The following ZDHHC11B variants were observed in gnomAD, a reference collection of about 807,000 sequenced individuals.
ZDHHC11B encodes the protein zDHHC palmitoyltransferase 11B (putative), also known as probable palmitoyltransferase ZDHHC11B.
Under a neutral mutation model 42.3 loss-of-function variants are expected in ZDHHC11B, and 17 were observed. The observed-to-expected ratio is 0.40, with a 90% CI of 0.27 to 0.60. ZDHHC11B has a LOEUF of 0.60. Among genes scored for constraint, ZDHHC11B ranks in the 20% least tolerant of loss-of-function variants. The pLI is 0.41. For synonymous variants in ZDHHC11B, 123 were observed against 193.5 expected (o/e 0.64, Z 3.02); for missense variants, 262 against 463.2 (o/e 0.57, Z 3.99).
Position 753,642 on chromosome 5 carries a change from C to T in ZDHHC11B, c.503+1356G>A, listed in dbSNP as rs564539479. Among the ~76,000 whole-genome samples the T allele has an allele frequency of 3.4e-4, 50 of 148,264 alleles. 1 individual carries two copies. The highest frequency in any genetic ancestry group is 7.4e-4 in the African/African-American group (30 of 40,798). On this transcript the variant is annotated intron_variant, in intron 6 of 13. Transcript: ENST00000508859. ...GAGGAGCTGGCCCCACCTTGGCCATCGTGGAGCTGCTCTTCTCCAGGGGAG... is the reference window on the plus strand; with the variant it reads ...GAGGAGCTGGCCCCACCTTGGCCATTGTGGAGCTGCTCTTCTCCAGGGGAG...
At chr5:771,009 G>C (rs1280704094) in intron 1 of ZDHHC11B, among the ~76,000 whole-genome samples, 1 of 151,912 alleles carries the variant, frequency 6.6e-6, no homozygotes, top group Non-Finnish European at 1.5e-5. Flanking sequence ...TCAAGGCTGA[G>C]GTGCTGGACT....
rs1445496187 is a variant in ZDHHC11B at position 711,207 on chromosome 5, C to G, written c.*1083G>C. On this transcript the variant is annotated 3_prime_UTR_variant, in exon 14 of 14. Coordinates refer to ENST00000508859, the MANE Select transcript of ZDHHC11B (RefSeq NM_001351303.2). ...CTCCCATTTCCCAGTGCTGTGCCCT[C>G]CCCTTTCCCAGTACTGTGCTCCCAT... 1.9e-5 allele frequency: 3 copies of G among 155,714 alleles called. No homozygotes were observed. In the East Asian group the frequency reaches 5.7e-4, roughly 29 times the overall value. 9.6% of individuals were successfully genotyped at this position (155,714 alleles called of 1,614,324 possible).
intron 12 of ZDHHC11B, among the ~76,000 whole-genome samples, chr5:719,262 G>A (rs1742005508): frequency 6.6e-6 from 1 of 151,624 alleles, no homozygotes; most frequent in African/African-American, 2.4e-5. Flanking sequence ...AACAAAAAAA[G>A]AACATATAAA....
chr5:784,403 G>C (rs2150254099), intron 1 of ZDHHC11B, among the ~76,000 whole-genome samples: 1 of 152,174 alleles, frequency 6.6e-6, no homozygotes, highest in African/African-American at 2.4e-5. Context: ...TGACAGACCT[G>C]TCCCTGGCGC....
At chr5:775,416 T>C (rs1736392849) in intron 1 of ZDHHC11B, among the ~76,000 whole-genome samples, 1 of 151,992 alleles carries the variant, frequency 6.6e-6, no homozygotes, top group Non-Finnish European at 1.5e-5. Context: ...AGGGAGAACC[T>C]GTCTCTGCGG....
At chr5:722,539 C>T (rs1221503427) in intron 12 of ZDHHC11B, among the ~76,000 whole-genome samples, 4 of 151,550 alleles carry the variant, frequency 2.6e-5, no homozygotes, top group Admixed American at 2.0e-4. Flanking sequence ...TTGGAGAGGA[C>T]ATGAAGCAAT....
At position 733,772 on chromosome 5, in the gene ZDHHC11B, C is replaced by A; in HGVS notation, c.1003G>T (p.Asp335Tyr). 1 of 1,611,476 alleles carries A rather than the reference C, an allele frequency of 6.2e-7. No homozygotes were observed. The part of the protein sequence containing the change: ...PCHFCTSVNQ[D>Y]GDSKAQEADD... Reference sequence around the variant, plus strand: ...CTTACCTGTGCCTTCGAATCCCCGTCCTGGTTTACTGAAGTGCAGAAGTGA... The same window carrying A: ...CTTACCTGTGCCTTCGAATCCCCGTACTGGTTTACTGAAGTGCAGAAGTGA... Residue 335 changes from aspartate (D) to tyrosine (Y), a missense_variant, in exon 11 of 14, where the codon GAC (aspartate) becomes TAC (tyrosine). Asp to Tyr is a radical substitution (Grantham distance 160, BLOSUM62 -3). Transcript: ENST00000508859.
chr5:725,239 G>A (rs868090867), intron 12 of ZDHHC11B, among the ~76,000 whole-genome samples: 2,807 of 141,978 alleles, frequency 0.02, 93 homozygotes, highest in African/African-American at 0.049. Context: ...ATCAGACACC[G>A]GATCTGCCGG....
At chr5:764,725 C>G (rs1735051528) in intron 4 of ZDHHC11B, among the ~76,000 whole-genome samples, 1 of 151,932 alleles carries the variant, frequency 6.6e-6, no homozygotes, top group Non-Finnish European at 1.5e-5. Flanking sequence ...CATCCACCAC[C>G]CAAGGGCTGA....
rs1271877610 is a variant in ZDHHC11B, at chr5:757,295, GTCC to G, written c.223-1154_223-1152del. On this transcript the variant is annotated intron_variant, in intron 4 of 13. Transcript: ENST00000508859. The stretch of plus-strand genomic sequence containing the variant: ...CTGCCGGCCTGTGTCGCACAGCGCT[GTCC>G]TCCTTGGCCCCAGGGGTGAGGAAGA... 2.0e-5 allele frequency among the ~76,000 whole-genome samples: 3 copies of G among 152,006 alleles called. No individual in the cohort carries two copies. The East Asian group carries it at 5.8e-4, about 29-fold the overall frequency.
intron 7 of ZDHHC11B, 22 bp downstream of exon 7, chr5:751,111 C>T: frequency 4.8e-6 from 6 of 1,245,276 alleles, no homozygotes; most frequent in Non-Finnish European, 6.4e-6. Flanking sequence ...GATGAGGCCC[C>T]TTGAGAGCGG....
At chr5:762,780 C>T (rs71593103) in intron 4 of ZDHHC11B, among the ~76,000 whole-genome samples, 29,047 of 148,292 alleles carry the variant, frequency 0.2, 2,557 homozygotes, top group Middle Eastern at 0.29. Context: ...AACCCAAGGT[C>T]AGTTGAAGGA....
At chr5:749,659 C>A (rs1745346346) in intron 7 of ZDHHC11B, among the ~76,000 whole-genome samples, 1 of 130,212 alleles carries the variant, frequency 7.7e-6, no homozygotes, top group African/African-American at 2.5e-5. Context: ...GCTCAGGCCA[C>A]AATCAATGAA....
intron 1 of ZDHHC11B, among the ~76,000 whole-genome samples, chr5:783,355 TC>T (rs1236689909): frequency 6.6e-6 from 1 of 152,274 alleles, no homozygotes; most frequent in East Asian, 1.9e-4. Flanking sequence ...CCCCTCCACT[TC>T]CTGCCCCTTC....
chr5:782,747 T>TG (rs1736954347), intron 1 of ZDHHC11B, among the ~76,000 whole-genome samples: 1 of 34,632 alleles, frequency 2.9e-5, no homozygotes, highest in South Asian at 9.9e-4. Context: ...CTTTGGCCTT[T>TG]GTGCCCACGG....
At chr5:778,582 A>G (rs1301483773) in intron 1 of ZDHHC11B, among the ~76,000 whole-genome samples, 2 of 151,792 alleles carry the variant, frequency 1.3e-5, no homozygotes, top group Non-Finnish European at 2.9e-5. Flanking sequence ...CCCTTGGGTT[A>G]CCCTTGGGGC....
chr5:731,155 C>T (rs1402744304), intron 11 of ZDHHC11B, among the ~76,000 whole-genome samples: 2 of 151,360 alleles, frequency 1.3e-5, no homozygotes, highest in African/African-American at 2.4e-5. Flanking sequence ...AAACTGCTCG[C>T]CAATGTGGCA....
intron 12 of ZDHHC11B, among the ~76,000 whole-genome samples, chr5:725,125 C>T (rs1387749389): frequency 3.3e-5 from 5 of 151,380 alleles, no homozygotes; most frequent in African/African-American, 4.9e-5. Flanking sequence ...TGACAGGATT[C>T]GTGAGTGCCT....
chr5:731,001 G>C (rs1342401837), intron 11 of ZDHHC11B, among the ~76,000 whole-genome samples: 1 of 152,094 alleles, frequency 6.6e-6, no homozygotes, highest in Admixed American at 6.6e-5. Flanking sequence ...CCCATGTGTG[G>C]TTCCTGCTTG....
Sources: gnomAD v4.1 joint callset for allele counts (sites outside exome capture counted in the v4.1 genomes callset) on GRCh38, gnomAD v4.1.1 for gene constraint, MANE v1.5 for transcripts, NCBI Gene and HGNC (gene_info 2026-07-23, HGNC 2026-07-21) for gene names.